Variants in SOHLH1 observed in about 807,000 individuals in gnomAD.
SOHLH1 encodes spermatogenesis and oogenesis specific basic helix-loop-helix 1, also known as spermatogenesis- and oogenesis-specific basic helix-loop-helix-containing protein 1.
Under a neutral mutation model 36.2 loss-of-function variants are expected in SOHLH1, and 23 were observed. That is an observed-to-expected ratio of 0.64 (90% CI 0.46 to 0.90). The LOEUF is 0.90. Ranked by LOEUF, SOHLH1 falls within the 40% of genes least tolerant of loss-of-function variation. The pLI is 0.00. For synonymous variants in SOHLH1, 289 were observed against 228.3 expected, an observed-to-expected ratio of 1.27 and a Z score of -2.40; for missense variants, 608 against 517.0, an observed-to-expected ratio of 1.18 and a Z score of -1.71.
chr9:135,701,329 T>C (rs999631727), upstream of SOHLH1, among the ~76,000 whole-genome samples: 1 of 151,800 alleles, frequency 6.6e-6, no homozygotes, highest in Admixed American at 6.6e-5. Flanking sequence ...ACAAAGTACA[T>C]GGCATGCGCC....
At chr9:135,701,110 C>T (rs1835018971), upstream of SOHLH1, among the ~76,000 whole-genome samples, 1 of 152,242 alleles carries the variant, frequency 6.6e-6, no homozygotes. Context: ...GGCAGCAGCA[C>T]CGGCCAATCT....
chr9:135,696,188 T>TC (rs5901085), intron 5 of SOHLH1, among the ~76,000 whole-genome samples: 10 of 9,378 alleles, frequency 1.1e-3, no homozygotes, highest in South Asian at 4.6e-3. Context: ...TCCCCATACT[T>TC]CCTGCAGACC....
Position 135,697,166 on chromosome 9 carries a change from G to A in SOHLH1, c.467+340C>T, listed in dbSNP as rs368034288. Among the ~76,000 whole-genome samples the A allele has an allele frequency of 2.6e-4, 39 of 152,344 alleles. No individual in the cohort carries two copies. The East Asian group carries it at 5.4e-3, about 21-fold the overall frequency. On this transcript the variant is annotated intron_variant, in intron 4 of 7. Coordinates refer to ENST00000425225, the MANE Select transcript of SOHLH1 (RefSeq NM_001101677.2). ...CAAATTATCTTGACTTCAGAAAACT[G>A]CATTCCTGAAGCTGCCCATGGGGAG...
intron 5 of SOHLH1, among the ~76,000 whole-genome samples, chr9:135,696,262 A>T (rs1337622624): frequency 6.6e-6 from 1 of 151,888 alleles, no homozygotes; most frequent in African/African-American, 2.4e-5. Context: ...AGACCCAGGG[A>T]CCCAGGGAGG....
At chr9:135,700,665 G>A (rs917635615), upstream of SOHLH1, among the ~76,000 whole-genome samples, 2 of 152,176 alleles carry the variant, frequency 1.3e-5, no homozygotes, top group African/African-American at 4.8e-5. Flanking sequence ...CTGGACTTTG[G>A]GCCAAAGATG....
intron 5 of SOHLH1, among the ~76,000 whole-genome samples, chr9:135,696,032 A>G (rs1372192295): frequency 1.3e-5 from 2 of 151,758 alleles, no homozygotes; most frequent in African/African-American, 4.8e-5. Flanking sequence ...AAGCAGGGCC[A>G]CAAAGCTGGA....
Position 135,698,480 on chromosome 9 carries a change from G to A in SOHLH1, c.198-4C>T. Reference sequence around the variant, plus strand: ...ACAGCTCAACGACATCCGCTTCCTGGTTCCGGTCAAGAAACAAATACCTCT... The same window carrying A: ...ACAGCTCAACGACATCCGCTTCCTGATTCCGGTCAAGAAACAAATACCTCT... On this transcript the variant is annotated splice_region_variant and splice_polypyrimidine_tract_variant and intron_variant, in intron 2 of 7. Transcript: ENST00000425225. 1 of 1,613,116 alleles carries A rather than the reference G, an allele frequency of 6.2e-7. No individual in the cohort carries two copies. The highest frequency in any genetic ancestry group is 8.5e-7 in the Non-Finnish European group (1 of 1,180,020).
At chr9:135,701,439 G>A (rs1835032120), upstream of SOHLH1, among the ~76,000 whole-genome samples, 1 of 152,278 alleles carries the variant, frequency 6.6e-6, no homozygotes, top group South Asian at 2.1e-4. Flanking sequence ...TCTGGGGACA[G>A]AAATCGCAGT....
intron 7 of SOHLH1, 200 bp downstream of exon 7, chr9:135,694,187 T>C: frequency 6.9e-7 from 1 of 1,439,350 alleles, no homozygotes; most frequent in Non-Finnish European, 9.1e-7. Flanking sequence ...CCACATCACG[T>C]TCACTCACAC....
At chr9:135,698,834 G>C (rs474061) in intron 2 of SOHLH1, among the ~76,000 whole-genome samples, 161 bp downstream of exon 2, 131,971 of 152,252 alleles carry the variant, frequency 0.87, 57,576 homozygotes, top group Non-Finnish European at 0.92. Context: ...TTCCCCAACA[G>C]GGCTTTTCTG....
chr9:135,698,084 G>A (rs1834879918), intron 3 of SOHLH1, among the ~76,000 whole-genome samples: 1 of 152,132 alleles, frequency 6.6e-6, no homozygotes, highest in South Asian at 2.1e-4. Context: ...ACCCATCAAT[G>A]AACAGGACTC....
Position 135,693,667 on chromosome 9 carries a change from T to C in SOHLH1, c.1094A>G (p.Asp365Gly). 6.3e-7 allele frequency: 1 copy of C among 1,587,056 alleles called. No individual in the cohort carries two copies. The highest frequency in any genetic ancestry group is 1.2e-5 in the South Asian group (1 of 86,544). ...CAGGGCCAGGCCTGCACAGTCCACA[T>C]CCAGGCCCCACGGCTCCAGAGGGCT... is the stretch of plus-strand genomic sequence containing the variant. ...QDSPLEPWGL[D>G]VDCAGLALKD... Residue 365 changes from aspartate to glycine, a missense_variant, in exon 8 of 8, where the codon GAT (aspartate) becomes GGT (glycine). Asp to Gly is a moderately conservative substitution (Grantham distance 94, BLOSUM62 -1). Coordinates refer to ENST00000425225, the MANE Select transcript of SOHLH1 (RefSeq NM_001101677.2).
chr9:135,694,347 T>C (rs147201066), intron 7 of SOHLH1, 40 bp downstream of exon 7: 1 of 1,612,108 alleles, frequency 6.2e-7, no homozygotes, highest in African/African-American at 1.3e-5. Flanking sequence ...ATCAGGTGCT[T>C]ACGCGGGGGG....
intron 5 of SOHLH1, 152 bp from the exon 6 acceptor site, chr9:135,695,415 C>T: frequency 1.4e-6 from 1 of 706,920 alleles, no homozygotes; most frequent in South Asian, 1.7e-5. Flanking sequence ...TGGGAGGAAG[C>T]TCAGAAGCGG....
At position 135,695,191 on chromosome 9, in the gene SOHLH1, G is replaced by C. The variant is rs940011984; in HGVS notation, c.734C>G (p.Pro245Arg). ...PKAVRPPLSWPPFSQQQTLPV... is the reference protein window; with the variant it reads ...PKAVRPPLSWRPFSQQQTLPV... ...CAAGGTCTGCTGCTGCGAGAACGGA[G>C]GCCAGGACAGGGGTGGCCTCACAGC... The change falls in exon 6 of 8, where the codon CCT (proline) becomes CGT (arginine). Residue 245 changes from proline (P) to arginine (R), a missense_variant. Pro to Arg is a moderately radical substitution (Grantham distance 103). Transcript: ENST00000425225. The C allele has an allele frequency of 6.2e-6, 10 of 1,604,792 alleles. No homozygotes were observed. Among genetic ancestry groups the C allele is most frequent in the Non-Finnish European group, 8.5e-6 (10 of 1,177,360 alleles).
upstream of SOHLH1, among the ~76,000 whole-genome samples, chr9:135,700,300 G>A (rs575234638): frequency 2.0e-5 from 3 of 152,294 alleles, no homozygotes; most frequent in South Asian, 6.2e-4. Context: ...TCACCTCCCC[G>A]CTGAACTCCA....
At position 135,694,532 on chromosome 9, in the gene SOHLH1, A is replaced by C. The variant is rs1834714844; in HGVS notation, c.876-75T>G. On this transcript the variant is annotated intron_variant, in intron 6 of 7. Transcript: ENST00000425225. ...GGAGCTCAAGGAAACATTTGGGCCC[A>C]AGTCCTGCAAAGGCAGCTTCGAATG... 5 of 1,570,258 alleles carry C rather than the reference A, an allele frequency of 3.2e-6. No homozygotes were observed. In the South Asian group the frequency reaches 4.6e-5, roughly 14 times the overall value.
upstream of SOHLH1, among the ~76,000 whole-genome samples, chr9:135,701,236 T>G (rs1835024883): frequency 7.0e-6 from 1 of 142,608 alleles, no homozygotes; most frequent in Non-Finnish European, 1.5e-5. Context: ...CACCCACCCC[T>G]CAAAAGCATC....
upstream of SOHLH1, among the ~76,000 whole-genome samples, chr9:135,699,702 C>T (rs750036852): frequency 6.6e-6 from 1 of 152,158 alleles, no homozygotes; most frequent in Non-Finnish European, 1.5e-5. Flanking sequence ...GGGGTCCACC[C>T]ACTCTATGCC....
Sources: gnomAD v4.1 joint callset for allele counts (sites outside exome capture counted in the v4.1 genomes callset) on GRCh38, gnomAD v4.1.1 for gene constraint, MANE v1.5 for transcripts, NCBI Gene and HGNC (gene_info 2026-07-23, HGNC 2026-07-21) for gene names.